The following TMEM8B variants were observed in gnomAD, a reference collection of about 807,000 sequenced individuals.
TMEM8B encodes transmembrane protein 8B, also known as nasopharyngeal carcinoma expressed 6.
In TMEM8B, 29 loss-of-function variants were observed where a neutral mutation model predicts 49.3. The observed-to-expected ratio is 0.59, with a 90% CI of 0.44 to 0.80. TMEM8B has a LOEUF of 0.80. TMEM8B is among the 30% of genes least tolerant of loss of function. The pLI is 0.00. For missense variants in TMEM8B, 575 were observed against 658.5 expected (o/e 0.87, Z 1.39); for synonymous variants, 264 against 272.8 (o/e 0.97, Z 0.32).
chr9:35,852,771 T>G, intron 10 of TMEM8B, 56 bp from the exon 11 acceptor site: 1 of 1,609,236 alleles, frequency 6.2e-7, no homozygotes, highest in African/African-American at 1.3e-5. Context: ...CCTCCGGTTT[T>G]GTAGATCTGG....
At position 35,863,940 on chromosome 9, in the gene TMEM8B, C is replaced by T. The variant is rs935811496; in HGVS notation, c.*10100C>T. ...CATCTACCAGTGTCACGCAGTGTCA[C>T]GCTCGGTCATGGCCTGGAAGATCAG... On this transcript the variant is annotated 3_prime_UTR_variant, in exon 13 of 13. Coordinates refer to ENST00000643932, the MANE Select transcript of TMEM8B (RefSeq NM_001042590.4). The T allele has an allele frequency of 9.2e-5, 14 of 152,216 alleles. No individual in the cohort carries two copies. The highest frequency in any genetic ancestry group is 3.4e-4 in the African/African-American group (14 of 41,432). The allele number at this position is 152,216 out of a possible 1,614,324, so 9.4% of individuals were successfully genotyped here. A position where few individuals can be genotyped will look rare whatever the true frequency, so the allele number is the denominator to read the frequency against.
chr9:35,829,350 A>C lies in TMEM8B; in HGVS notation c.-98A>C. 1.9e-5 allele frequency: 7 copies of C among 365,156 alleles called. No homozygotes were observed. The highest frequency in any genetic ancestry group is 4.6e-5 in the Admixed American group (1 of 21,536). The allele number at this position is 365,156 out of a possible 1,614,324, so 22.6% of individuals were successfully genotyped here. ...CGGCCCCCGCCCCGGGCCCGCGAGGACACCGGAGGCCACCCCCCGGGGGTG... is the reference window on the plus strand; with the variant it reads ...CGGCCCCCGCCCCGGGCCCGCGAGGCCACCGGAGGCCACCCCCCGGGGGTG... On this transcript the variant is annotated 5_prime_UTR_variant, in exon 1 of 13. Coordinates refer to ENST00000643932, the MANE Select transcript of TMEM8B (RefSeq NM_001042590.4).
chr9:35,849,052 C>T (rs758439191), intron 10 of TMEM8B, among the ~76,000 whole-genome samples: 5 of 152,080 alleles, frequency 3.3e-5, no homozygotes, highest in Non-Finnish European at 7.4e-5. Context: ...TGCTCTCACT[C>T]CTGTTCTTTT....
chr9:35,842,561 T>C lies in TMEM8B; in HGVS notation c.1479T>C (p.Thr493=), dbSNP rs748805723. Reference sequence around the variant, plus strand: ...AGCACTGCTGGCCAGTGCGCCCGACTCTGCGCAACGAGCTGGACACCTTCT... The same window carrying C: ...AGCACTGCTGGCCAGTGCGCCCGACCCTGCGCAACGAGCTGGACACCTTCT... ...PPEHCWPVRP[T]LRNELDTFSV... Residue 493 remains threonine, a synonymous_variant, in exon 6 of 13, where the codon ACT becomes ACC. Coordinates refer to ENST00000643932, the MANE Select transcript of TMEM8B (RefSeq NM_001042590.4). This position sits in a 1 kb window ranked among gnomAD's most constrained non-coding sequence, Gnocchi z 5.6. 1.2e-5 allele frequency: 20 copies of C among 1,614,238 alleles called. No individual in the cohort carries two copies. The highest frequency in any genetic ancestry group is 1.6e-4 in the Middle Eastern group (1 of 6,062).
chr9:35,842,654 C>T lies in TMEM8B; in HGVS notation c.1572C>T (p.Ala524=). 1 of 1,614,160 alleles carries T rather than the reference C, an allele frequency of 6.2e-7. No individual in the cohort carries two copies. Among genetic ancestry groups the T allele is most frequent in the Non-Finnish European group, 8.5e-7 (1 of 1,179,992 alleles). ...CCCCTGAGCGCCCAGCCGTGTTCGCCATGAGGCTGTTGCCAGTGCTGGACA... is the reference window on the plus strand; with the variant it reads ...CCCCTGAGCGCCCAGCCGTGTTCGCTATGAGGCTGTTGCCAGTGCTGGACA... ...ALPPERPAVF[A]MRLLPVLDSG... is the part of the protein sequence containing the mutation. Residue 524 remains alanine, a synonymous_variant, in exon 6 of 13, where the codon GCC becomes GCT. Coordinates refer to ENST00000643932, the MANE Select transcript of TMEM8B (RefSeq NM_001042590.4). This position sits in a 1 kb window ranked among gnomAD's most constrained non-coding sequence, Gnocchi z 5.6.
Position 35,853,132 on chromosome 9 carries a change from T to C in TMEM8B, c.2323-9T>C, listed in dbSNP as rs778902333. ...GGCCCTAGCCCAGCCCTTGAGTCTC[T>C]TTCTCTAGGTGCTGTATTTGCTGGG... On this transcript the variant is annotated splice_polypyrimidine_tract_variant and intron_variant, in intron 11 of 12. Coordinates refer to ENST00000643932, the MANE Select transcript of TMEM8B (RefSeq NM_001042590.4). The surrounding 1 kb of genome is among the most constrained non-coding windows in gnomAD (Gnocchi z 4.2). The C allele has an allele frequency of 6.2e-6, 10 of 1,613,020 alleles. No individual in the cohort carries two copies. The highest frequency in any genetic ancestry group is 3.3e-5 in the Admixed American group (2 of 60,016).
At chr9:35,840,036 G>A (rs1830816789) in intron 3 of TMEM8B, among the ~76,000 whole-genome samples, 1 of 152,074 alleles carries the variant, frequency 6.6e-6, no homozygotes. Flanking sequence ...AACAGAGTTT[G>A]AAGGTATGTC....
At chr9:35,833,770 G>A (rs1217781525) in intron 1 of TMEM8B, among the ~76,000 whole-genome samples, 1 of 152,080 alleles carries the variant, frequency 6.6e-6, no homozygotes, top group Non-Finnish European at 1.5e-5. Context: ...GACTCTCATG[G>A]TGGCCTGCCA....
At position 35,829,459 on chromosome 9, in the gene TMEM8B, C is replaced by T. The variant is rs1174442697; in HGVS notation, c.12C>T (p.Pro4=). The change falls in exon 1 of 13, where the codon CCC becomes CCT. Residue 4 remains proline, a synonymous_variant. Coordinates refer to ENST00000643932, the MANE Select transcript of TMEM8B (RefSeq NM_001042590.4). The part of the protein sequence containing the change: MAQ[P]LSRPLVLSQS... ...CCCCGCCCCGGGCCATGGCCCAGCC[C>T]TTGTCCCGGCCCCTCGTCCTATCCC... 2 of 359,076 alleles carry T rather than the reference C, an allele frequency of 5.6e-6. No individual in the cohort carries two copies. The highest frequency in any genetic ancestry group is 8.1e-5 in the East Asian group (2 of 24,606). The allele number at this position is 359,076 out of a possible 1,614,324, so 22.2% of individuals were successfully genotyped here. A position where few individuals can be genotyped will look rare whatever the true frequency, so the allele number is the denominator to read the frequency against.
At chr9:35,850,914 G>A (rs548722274) in intron 10 of TMEM8B, among the ~76,000 whole-genome samples, 1 of 152,218 alleles carries the variant, frequency 6.6e-6, no homozygotes, top group Non-Finnish European at 1.5e-5. Flanking sequence ...AAACAGTATT[G>A]GGTAATTTAG....
chr9:35,837,616 AG>A (rs1215349911), intron 3 of TMEM8B, among the ~76,000 whole-genome samples: 1 of 152,182 alleles, frequency 6.6e-6, no homozygotes, highest in African/African-American at 2.4e-5. Context: ...GTTGTAAAAA[AG>A]AAGTGACTTA....
chr9:35,845,487 T>C (rs1283526842), intron 6 of TMEM8B: 3 of 985,328 alleles, frequency 3.0e-6, no homozygotes, highest in Non-Finnish European at 3.6e-6. Context: ...ACATTTAATC[T>C]CTTGGGCATT....
intron 10 of TMEM8B, among the ~76,000 whole-genome samples, chr9:35,850,992 A>G (rs773548078): frequency 1.4e-4 from 21 of 152,352 alleles, no homozygotes; most frequent in Non-Finnish European, 2.9e-4. Flanking sequence ...TAAAATAGAA[A>G]AAGACCAATA....
intron 6 of TMEM8B, among the ~76,000 whole-genome samples, chr9:35,843,837 A>G (rs967631598): frequency 1.3e-5 from 2 of 150,466 alleles, no homozygotes; most frequent in Non-Finnish European, 3.0e-5. Context: ...ATCTCGGCTC[A>G]CTGCAACCTC....
At position 35,842,777 on chromosome 9, in the gene TMEM8B, A is replaced by G; in HGVS notation, c.1635+60A>G. The G allele has an allele frequency of 1.3e-6, 2 of 1,523,484 alleles. No individual in the cohort carries two copies. Among genetic ancestry groups the G allele is most frequent in the South Asian group, 2.6e-5 (2 of 77,522 alleles). 94.4% of individuals were successfully genotyped at this position (1,523,484 alleles called of 1,614,324 possible). ...CAGGGAGCTTGAAGGGGAAGGTGTCAGGGGTGTTGGGGTGTTTACCTCCTC... is the reference window on the plus strand; with the variant it reads ...CAGGGAGCTTGAAGGGGAAGGTGTCGGGGGTGTTGGGGTGTTTACCTCCTC... On this transcript the variant is annotated intron_variant, in intron 6 of 12. Transcript: ENST00000643932. This position sits in a 1 kb window ranked among gnomAD's most constrained non-coding sequence, Gnocchi z 5.6.
intron 10 of TMEM8B, among the ~76,000 whole-genome samples, chr9:35,850,509 AC>A (rs1424230019): frequency 1.3e-5 from 2 of 152,008 alleles, no homozygotes; most frequent in Non-Finnish European, 2.9e-5. Context: ...ATTTAACTCT[AC>A]CCCTGTGGAT....
Position 35,853,703 on chromosome 9 carries a change from C to G in TMEM8B, c.2638C>G (p.Arg880Gly). The change falls in exon 13 of 13, where the codon CGT (arginine) becomes GGT (glycine). Residue 880 changes from arginine (R) to glycine (G), a missense_variant. By Grantham distance (125) the Arg-to-Gly change is moderately radical. Coordinates refer to ENST00000643932, the MANE Select transcript of TMEM8B (RefSeq NM_001042590.4). This position sits in a 1 kb window ranked among gnomAD's most constrained non-coding sequence, Gnocchi z 4.2. ...CAGTGTGGGCTTCCTGCTGCCCCCT[C>G]GTGCCAAGACTGACCACGGGGTCCC... ...AGSVGFLLPPRAKTDHGVPSG... is the reference protein window; with the variant it reads ...AGSVGFLLPPGAKTDHGVPSG... 1 of 1,614,140 alleles carries G rather than the reference C, an allele frequency of 6.2e-7. No homozygotes were observed. Among genetic ancestry groups the G allele is most frequent in the Non-Finnish European group, 8.5e-7 (1 of 1,179,992 alleles).
At chr9:35,843,869 T>C (rs2132317728) in intron 6 of TMEM8B, among the ~76,000 whole-genome samples, 1 of 152,208 alleles carries the variant, frequency 6.6e-6, no homozygotes, top group East Asian at 1.9e-4. Context: ...TTCAAGTGAT[T>C]CTTGTGCCTC....
chr9:35,832,648 G>A (rs141298212), intron 1 of TMEM8B, among the ~76,000 whole-genome samples: 30 of 152,268 alleles, frequency 2.0e-4, no homozygotes, highest in African/African-American at 5.3e-4. Flanking sequence ...GGTCTGCACC[G>A]AGGGACTGAC....
Sources: allele counts gnomAD v4.1 joint callset (sites outside exome capture counted in the v4.1 genomes callset), GRCh38; gene constraint gnomAD v4.1.1; non-coding constraint Gnocchi (gnomAD v3.1); transcripts MANE v1.5; gene names NCBI Gene and HGNC (gene_info 2026-07-23, HGNC 2026-07-21).